APOBEC3H: variants seen among roughly 807,000 people sequenced by gnomAD.
APOBEC3H encodes the protein DNA dC->dU-editing enzyme APOBEC-3H.
Under a neutral mutation model 21.2 loss-of-function variants are expected in APOBEC3H, and 8 were observed. The observed-to-expected ratio is 0.38, with a 90% confidence interval of 0.22 to 0.68. The LOEUF is 0.68. APOBEC3H is among the 30% of genes least tolerant of loss of function. The pLI, the probability that APOBEC3H is intolerant of heterozygous loss-of-function variation, is 0.52. For missense variants in APOBEC3H, 229 were observed against 228.1 expected (o/e 1.00, Z -0.03); for synonymous variants, 88 against 91.0 (o/e 0.97, Z 0.19).
At chr22:39,102,515 C>G (rs1601540129) in intron 4 of APOBEC3H, 1 of 718,298 alleles carries the variant, frequency 1.4e-6, no homozygotes, top group South Asian at 1.5e-5. Flanking sequence ...CTTTTAGATT[C>G]CAGGGGTACG....
In APOBEC3H at chr22:39,100,275, C is replaced by T. The variant is rs1172236525; in HGVS notation, c.-4C>T. On this transcript the variant is annotated 5_prime_UTR_variant, in exon 2 of 5. Coordinates refer to ENST00000442487, the MANE Select transcript of APOBEC3H (RefSeq NM_181773.5). ...TTTTCCCCTTTCTGTTGCACAGAAA[C>T]ACGATGGCTCTGTTAACAGCCGAAA... is the stretch of plus-strand genomic sequence containing the variant. 2 of 1,610,932 alleles carry T rather than the reference C, an allele frequency of 1.2e-6. No homozygotes were observed. Among genetic ancestry groups the T allele is most frequent in the Non-Finnish European group, 8.5e-7 (1 of 1,177,262 alleles).
Position 39,103,764 on chromosome 22 carries a change from A to C in APOBEC3H, c.*67A>C. ...TGGACCCGTATCCCACTCATTATCA[A>C]GAAGCAACTCAAGATGACTTTCCCT... On this transcript the variant is annotated 3_prime_UTR_variant, in exon 5 of 5. Coordinates refer to ENST00000442487, the MANE Select transcript of APOBEC3H (RefSeq NM_181773.5). 1.3e-6 allele frequency: 2 copies of C among 1,586,112 alleles called. No individual in the cohort carries two copies. Among genetic ancestry groups the C allele is most frequent in the Non-Finnish European group, 1.7e-6 (2 of 1,154,686 alleles).
chr22:39,100,738 C>T (rs922613385), intron 2 of APOBEC3H, among the ~76,000 whole-genome samples: 3 of 152,266 alleles, frequency 2.0e-5, no homozygotes, highest in African/African-American at 7.2e-5. Flanking sequence ...TCGGGAAAGC[C>T]GAGGTGCCGT....
chr22:39,098,987 G>A (rs1929151589), intron 1 of APOBEC3H, among the ~76,000 whole-genome samples: 2 of 152,088 alleles, frequency 1.3e-5, no homozygotes, highest in Admixed American at 1.3e-4. Context: ...TGAGGTCAAA[G>A]GAGTTCAAGA....
At chr22:39,102,675 T>C in intron 4 of APOBEC3H, 1 of 679,712 alleles carries the variant, frequency 1.5e-6, no homozygotes, top group Non-Finnish European at 2.7e-6. Flanking sequence ...ATTATTTACA[T>C]CTTTATGTCC....
chr22:39,101,541 C>T (rs1454556827), intron 3 of APOBEC3H, 37 bp downstream of exon 3: 4 of 1,576,564 alleles, frequency 2.5e-6, no homozygotes, highest in East Asian at 2.3e-5. Flanking sequence ...GAGTGCAAAC[C>T]CCCGGGGGCA....
At chr22:39,101,162 G>GCCCCC in intron 2 of APOBEC3H, 75 bp from the exon 3 acceptor site, 1 of 188,260 alleles carries the variant, frequency 5.3e-6, no homozygotes, top group South Asian at 5.8e-5. Context: ...CCCCGTCCCG[G>GCCCCC]CCCCCGCCCC....
chr22:39,101,810 A>C (rs1929370788), intron 3 of APOBEC3H, 108 bp from the exon 4 acceptor site: 9 of 1,552,442 alleles, frequency 5.8e-6, no homozygotes, highest in Non-Finnish European at 8.0e-6. Flanking sequence ...TTCCCCAGAC[A>C]GAGCAATGTC....
At chr22:39,098,450 C>A (rs955793073) in intron 1 of APOBEC3H, among the ~76,000 whole-genome samples, 2 of 151,750 alleles carry the variant, frequency 1.3e-5, no homozygotes, top group South Asian at 4.2e-4. Context: ...CCAGCCTGGG[C>A]AACACAGGGA....
Position 39,103,810 on chromosome 22 carries a change from T to A in APOBEC3H, c.*113T>A. 7.3e-7 allele frequency: 1 copy of A among 1,371,020 alleles called. No homozygotes were observed. 84.9% of individuals were successfully genotyped at this position (1,371,020 alleles called of 1,614,324 possible). A position where few individuals can be genotyped will look rare whatever the true frequency, so the allele number is the denominator to read the frequency against. ...TCCCTGGGGCATGTCAGTTGCCTCA[T>A]AGCCTGCTGGTCCTGTAAGCAAGCA... On this transcript the variant is annotated 3_prime_UTR_variant, in exon 5 of 5. Transcript: ENST00000442487.
Position 39,100,287 on chromosome 22 carries a change from G to C in APOBEC3H, c.9G>C (p.Leu3=). The C allele has an allele frequency of 1.2e-6, 2 of 1,612,932 alleles. No homozygotes were observed. The highest frequency in any genetic ancestry group is 4.5e-5 in the East Asian group (2 of 44,824). The change falls in exon 2 of 5, where the codon CTG becomes CTC. Residue 3 remains leucine, a synonymous_variant. Transcript: ENST00000442487. ...TGTTGCACAGAAACACGATGGCTCT[G>C]TTAACAGCCGAAACATTCCGCTTAC... MA[L]LTAETFRLQF... is the part of the protein sequence containing the mutation.
In APOBEC3H at chr22:39,099,786, GC is replaced by G. The variant is rs527426865; in HGVS notation, c.-7-483del. ...CTCCCCTCCTCCTGTCCTCCTGCCA[GC>G]CCTTCCTTCCCCTGCTCCACTGCAG... On this transcript the variant is annotated intron_variant, in intron 1 of 4. Transcript: ENST00000442487. 1.6e-4 allele frequency among the ~76,000 whole-genome samples: 24 copies of G among 152,254 alleles called. 1 individual carries two copies. In the South Asian group the frequency reaches 2.3e-3, roughly 14 times the overall value.
chr22:39,099,653 T>A (rs1217212716), intron 1 of APOBEC3H, among the ~76,000 whole-genome samples: 1 of 152,058 alleles, frequency 6.6e-6, no homozygotes, highest in Non-Finnish European at 1.5e-5. Context: ...CCAGGAAGAA[T>A]AGTGACGAGG....
intron 1 of APOBEC3H, among the ~76,000 whole-genome samples, chr22:39,097,946 G>A (rs941056187): frequency 3.3e-5 from 5 of 152,190 alleles, no homozygotes; most frequent in Admixed American, 6.5e-5. Flanking sequence ...GGAATATACG[G>A]AAAAACTCAA....
chr22:39,097,987 T>C (rs1321308050), intron 1 of APOBEC3H, among the ~76,000 whole-genome samples: 1 of 152,168 alleles, frequency 6.6e-6, no homozygotes. Flanking sequence ...ATTTTAAAAT[T>C]TAGGAAGAAG....
At chr22:39,102,088 C>T (rs1343501700) in intron 4 of APOBEC3H, 46 bp downstream of exon 4, 1 of 1,601,638 alleles carries the variant, frequency 6.2e-7, no homozygotes, top group South Asian at 1.1e-5. Flanking sequence ...TCACCGCCTG[C>T]CGCAGCCCCA....
chr22:39,104,005 C>T lies in APOBEC3H; in HGVS notation c.*308C>T, dbSNP rs1929512984. 2.2e-6 allele frequency: 1 copy of T among 455,548 alleles called. No individual in the cohort carries two copies. Among genetic ancestry groups the T allele is most frequent in the East Asian group, 3.7e-5 (1 of 26,680 alleles). 28.2% of individuals were successfully genotyped at this position (455,548 alleles called of 1,614,324 possible). ...ATCCAGCCGGGTACGGTGGCTCACG[C>T]CTGTAATCCTAGCACTTTGGGAGGC... is the stretch of plus-strand genomic sequence containing the variant. On this transcript the variant is annotated 3_prime_UTR_variant, in exon 5 of 5. Coordinates refer to ENST00000442487, the MANE Select transcript of APOBEC3H (RefSeq NM_181773.5).
At position 39,104,045 on chromosome 22, in the gene APOBEC3H, A is replaced by G. The variant is rs1434791302; in HGVS notation, c.*348A>G. ...CTTTGGGAGGCTGAGATGCTCGGCC[A>G]ATAAATTTCTATTGTTTATGAATCA... On this transcript the variant is annotated 3_prime_UTR_variant, in exon 5 of 5. Transcript: ENST00000442487. 8.6e-6 allele frequency: 3 copies of G among 349,720 alleles called. No homozygotes were observed. The highest frequency in any genetic ancestry group is 4.2e-5 in the Admixed American group (1 of 24,086). The allele number at this position is 349,720 out of a possible 1,614,324, so 21.7% of individuals were successfully genotyped here. A position where few individuals can be genotyped will look rare whatever the true frequency, so the allele number is the denominator to read the frequency against.
At position 39,101,961 on chromosome 22, in the gene APOBEC3H, G is replaced by A. The variant is rs147418182; in HGVS notation, c.462G>A (p.Pro154=). 1.2e-5 allele frequency: 20 copies of A among 1,613,722 alleles called. No homozygotes were observed. The highest frequency in any genetic ancestry group is 3.3e-4 in the Middle Eastern group (2 of 6,058). ...AAAACTTTGTGGACCACGAGAAACCGCTTTCCTTCAACCCCTATAAGATGT... is the reference window on the plus strand; with the variant it reads ...AAAACTTTGTGGACCACGAGAAACCACTTTCCTTCAACCCCTATAAGATGT... The part of the protein sequence containing the change: ...CWENFVDHEK[P]LSFNPYKMLE... The change falls in exon 4 of 5, where the codon CCG becomes CCA. Residue 154 remains proline (P), a synonymous_variant. Transcript: ENST00000442487.
Sources: allele counts gnomAD v4.1 joint callset (sites outside exome capture counted in the v4.1 genomes callset), GRCh38; gene constraint gnomAD v4.1.1; transcripts MANE v1.5; gene names NCBI Gene and HGNC (gene_info 2026-07-23, HGNC 2026-07-21).